Variants in FAM184A observed in about 807,000 individuals in gnomAD.
FAM184A encodes the protein family with sequence similarity 184 member A.
In FAM184A, 99 loss-of-function variants were observed where a neutral mutation model predicts 143.8. That is an observed-to-expected ratio of 0.69 (90% CI 0.58 to 0.81). The LOEUF (loss-of-function observed/expected upper bound fraction) is 0.81. Ranked by LOEUF, FAM184A falls within the 40% of genes least tolerant of loss-of-function variation. The probability of loss-of-function intolerance (pLI) is 0.00; values close to 1 mark genes in which losing one functional copy is unlikely to be tolerated. For missense variants in FAM184A, 1,217 were observed against 1,310.5 expected, an observed-to-expected ratio of 0.93 and a Z score of 1.10; for synonymous variants, 427 against 446.4, an observed-to-expected ratio of 0.96 and a Z score of 0.55.
rs145220835 is a variant in FAM184A at position 119,023,672 on chromosome 6, G to A, written c.1014+287C>T. Among the ~76,000 whole-genome samples, 813 of 150,276 alleles carry A rather than the reference G, an allele frequency of 5.4e-3. 11 individuals carry two copies. The highest frequency in any genetic ancestry group is 0.019 in the African/African-American group (767 of 40,860). The stretch of plus-strand genomic sequence containing the variant: ...GCCCCCCAAAGTGCTGGGATTACAG[G>A]TGTGTACCACTGTGCCTAGCCAATA... On this transcript the variant is annotated intron_variant, in intron 2 of 17. Transcript: ENST00000338891.
chr6:119,017,731 C>G (rs1785310324), intron 4 of FAM184A, among the ~76,000 whole-genome samples: 2 of 152,128 alleles, frequency 1.3e-5, no homozygotes, highest in Admixed American at 1.3e-4. Flanking sequence ...TTGTCTCCAC[C>G]AGATCTCATG....
chr6:119,015,753 G>A (rs560383252), intron 5 of FAM184A, among the ~76,000 whole-genome samples: 141 of 152,382 alleles, frequency 9.3e-4, no homozygotes, highest in African/African-American at 3.2e-3. Context: ...CTGCAGCCCC[G>A]GTGCGGGATC....
intron 1 of FAM184A, among the ~76,000 whole-genome samples, chr6:119,027,737 T>G (rs1785707670): frequency 6.6e-6 from 1 of 152,182 alleles, no homozygotes; most frequent in Admixed American, 6.5e-5. Flanking sequence ...AGTTGTCTTT[T>G]AGAGGCTTGA....
intron 1 of FAM184A, among the ~76,000 whole-genome samples, chr6:119,104,643 AT>A (rs1347752739): frequency 2.6e-5 from 4 of 152,154 alleles, no homozygotes; most frequent in Non-Finnish European, 5.9e-5. Context: ...TGATGATTAC[AT>A]TTTTTTAAAT....
At chr6:119,100,985 A>G (rs763643159) in intron 1 of FAM184A, among the ~76,000 whole-genome samples, 101 of 150,274 alleles carry the variant, frequency 6.7e-4, no homozygotes, top group Admixed American at 2.4e-3. Flanking sequence ...AAAACAAAAA[A>G]ACTTCTCTAT....
intron 14 of FAM184A, among the ~76,000 whole-genome samples, chr6:118,973,964 T>G (rs1057424508): frequency 1.3e-5 from 2 of 152,184 alleles, no homozygotes; most frequent in Admixed American, 6.5e-5. Context: ...TTGCTCTTTC[T>G]CATCTCCAGT....
chr6:119,104,564 C>T (rs1788727833), intron 1 of FAM184A, among the ~76,000 whole-genome samples: 2 of 152,052 alleles, frequency 1.3e-5, no homozygotes, highest in South Asian at 4.1e-4. Context: ...AGAAGATGTC[C>T]CTACAAAGAT....
chr6:119,080,859 A>C (rs1297724476), upstream of FAM184A, among the ~76,000 whole-genome samples: 1 of 152,208 alleles, frequency 6.6e-6, no homozygotes, highest in Non-Finnish European at 1.5e-5. Flanking sequence ...GAGTCTTCAT[A>C]AAGAAAAGAG....
chr6:118,993,528 A>C (rs775246733), intron 9 of FAM184A, among the ~76,000 whole-genome samples: 3 of 152,244 alleles, frequency 2.0e-5, no homozygotes, highest in Non-Finnish European at 2.9e-5. Context: ...AGAGGACAGA[A>C]GCCTGTCTTA....
rs538790134 is a variant in FAM184A at position 118,961,708 on chromosome 6, A to C, written c.3341+53T>G. The C allele has an allele frequency of 3.5e-6, 5 of 1,443,588 alleles. No individual in the cohort carries two copies. The African/African-American group carries it at 5.7e-5, about 16-fold the overall frequency. 89.4% of individuals were successfully genotyped at this position (1,443,588 alleles called of 1,614,324 possible). A position where few individuals can be genotyped will look rare whatever the true frequency, so the allele number is the denominator to read the frequency against. On this transcript the variant is annotated intron_variant, in intron 17 of 17. Transcript: ENST00000338891. Reference sequence around the variant, plus strand: ...GTGATTTCTGCAATGTAAGAAGGTAAATTTCTCAAGTTAAAAAAGAAAAGA... The same window carrying C: ...GTGATTTCTGCAATGTAAGAAGGTACATTTCTCAAGTTAAAAAAGAAAAGA...
intron 1 of FAM184A, among the ~76,000 whole-genome samples, chr6:119,115,446 C>G (rs1402054692): frequency 6.6e-6 from 1 of 152,192 alleles, no homozygotes; most frequent in Admixed American, 6.5e-5. Context: ...AAACCTGGCA[C>G]TTTGGGAGGC....
rs1783637031 is a variant in FAM184A at position 118,970,006 on chromosome 6, ATATTT to A, written c.2916-3059_2916-3055del. 1.5e-4 allele frequency among the ~76,000 whole-genome samples: 3 copies of A among 20,490 alleles called. 1 individual carries two copies. Among genetic ancestry groups the A allele is most frequent in the Middle Eastern group, 0.077 (2 of 26 alleles). 13.4% of individuals were successfully genotyped at this position (20,490 alleles called of 152,430 possible). A position where few individuals can be genotyped will look rare whatever the true frequency, so the allele number is the denominator to read the frequency against. ...GTATATATATATAATATATATATAT[ATATTT>A]TTTTTTTTTTGAGATGGAGTTTTGT... is the stretch of plus-strand genomic sequence containing the variant. On this transcript the variant is annotated intron_variant, in intron 14 of 17. Transcript: ENST00000338891.
intron 9 of FAM184A, among the ~76,000 whole-genome samples, chr6:118,985,130 T>G (rs941951237): frequency 6.6e-6 from 1 of 152,218 alleles, no homozygotes; most frequent in Non-Finnish European, 1.5e-5. Context: ...CTAGATCATG[T>G]GTAAATGGCT....
chr6:119,140,912 C>T (rs979527315), intron 1 of FAM184A, among the ~76,000 whole-genome samples: 2 of 152,164 alleles, frequency 1.3e-5, no homozygotes, highest in African/African-American at 4.8e-5. Context: ...GGAATCCTCC[C>T]CAGGCTTTCC....
Position 118,966,945 on chromosome 6 carries a change from C to A in FAM184A, c.2923G>T (p.Glu975Ter). The change falls in exon 15 of 18, where the codon GAA (glutamate) becomes TAA (stop). Residue 975 changes from glutamate (E) to a stop codon, truncating the protein, a stop_gained. Transcript: ENST00000338891. LOFTEE classifies it high-confidence loss of function. ...CTCATTAGATATTTTTCTTCCATTT[C>A]TTCTAATCTGAAAACAAGAAAGACT... The part of the protein sequence containing the change: ...INAALQVSLE[E>*]MEEKYLMRES... 1 of 1,463,166 alleles carries A rather than the reference C, an allele frequency of 6.8e-7. No individual in the cohort carries two copies. The highest frequency in any genetic ancestry group is 1.2e-5 in the South Asian group (1 of 84,884). 90.6% of individuals were successfully genotyped at this position (1,463,166 alleles called of 1,614,324 possible). A position where few individuals can be genotyped will look rare whatever the true frequency, so the allele number is the denominator to read the frequency against.
chr6:119,056,853 T>C (rs1224400833), intron 1 of FAM184A, among the ~76,000 whole-genome samples: 2 of 152,214 alleles, frequency 1.3e-5, no homozygotes, highest in Non-Finnish European at 1.5e-5. Context: ...GTACTAAAGA[T>C]GTGACTTTCT....
Position 119,024,534 on chromosome 6 carries a change from G to T in FAM184A, c.439C>A (p.His147Asn). ...GACATGGTCACTATGCGTTGGACAT[G>T]CTGGGCTTCTGCACAAAGTTGCATG... The part of the protein sequence containing the change: ...EDMQLCAEAQ[H>N]VQRIVTMSRE... Residue 147 changes from histidine to asparagine, a missense_variant, in exon 2 of 18, where the codon CAT becomes AAT. Transcript: ENST00000338891. The T allele has an allele frequency of 6.2e-7, 1 of 1,614,048 alleles. No individual in the cohort carries two copies. Among genetic ancestry groups the T allele is most frequent in the Non-Finnish European group, 8.5e-7 (1 of 1,180,002 alleles).
intron 1 of FAM184A, among the ~76,000 whole-genome samples, chr6:119,141,019 G>A (rs914570431): frequency 6.6e-6 from 1 of 152,202 alleles, no homozygotes; most frequent in Admixed American, 6.5e-5. Context: ...TGGAAGCCAA[G>A]GCTACTTTAT....
intron 9 of FAM184A, among the ~76,000 whole-genome samples, chr6:119,001,435 T>G (rs2114636307): frequency 6.6e-6 from 1 of 152,142 alleles, no homozygotes; most frequent in African/African-American, 2.4e-5. Flanking sequence ...AAAATTGATT[T>G]AGAAATTCTG....
Sources: gnomAD v4.1 joint callset for allele counts (sites outside exome capture counted in the v4.1 genomes callset) on GRCh38, gnomAD v4.1.1 for gene constraint, MANE v1.5 for transcripts, NCBI Gene and HGNC (gene_info 2026-07-23, HGNC 2026-07-21) for gene names.